Variants in DNAJC3 observed in about 807,000 individuals in gnomAD.
DNAJC3 encodes the protein dnaJ homolog subfamily C member 3.
DNAJC3 carries 38 observed loss-of-function variants against 68.6 expected under a neutral mutation model. That is an observed-to-expected ratio of 0.55 (90% CI 0.43 to 0.73). DNAJC3 has a LOEUF of 0.73. Among genes scored for constraint, DNAJC3 ranks in the 30% least tolerant of loss-of-function variants. The pLI is 0.00. For missense variants in DNAJC3, 526 were observed against 591.9 expected, an observed-to-expected ratio of 0.89 and a Z score of 1.16; for synonymous variants, 203 against 204.0, an observed-to-expected ratio of 1.00 and a Z score of 0.04.
At chr13:95,695,296 GTATTAT>G (rs1880405691) in intron 1 of DNAJC3, 1 of 151,960 alleles carries the variant, frequency 6.6e-6, no homozygotes, top group African/African-American at 2.4e-5. Context: ...AATAACTCTA[GTATTAT>G]TTTGACCTGA....
chr13:95,785,124 CCTTT>C (rs1196869422), intron 9 of DNAJC3, among the ~76,000 whole-genome samples: 3 of 152,136 alleles, frequency 2.0e-5, no homozygotes, highest in Middle Eastern at 3.4e-3. Flanking sequence ...CCTTCTGTTC[CCTTT>C]CTTTCTACAA....
chr13:95,703,067 C>T (rs1387797335), intron 1 of DNAJC3, among the ~76,000 whole-genome samples: 1 of 152,156 alleles, frequency 6.6e-6, no homozygotes, highest in Admixed American at 6.5e-5. Flanking sequence ...GTAAAGTCAT[C>T]GTGAACACTG....
chr13:95,745,386 G>A (rs1882271664), intron 4 of DNAJC3: 1 of 152,186 alleles, frequency 6.6e-6, no homozygotes, highest in Non-Finnish European at 1.5e-5. Context: ...TCTATCGTAA[G>A]AACTGCTACA....
rs759729876 is a variant in DNAJC3 at position 95,722,815 on chromosome 13, G to GCCCCCCCCCCCCCC, written c.194-416_194-403dup. ...AACCTGGGTGACAGACACCTTGTCC[G>GCCCCCCCCCCCCCC]CCCCCCCCCCCCCCCCCCCCCCCCG... On this transcript the variant is annotated intron_variant, in intron 2 of 11. Coordinates refer to ENST00000602402, the MANE Select transcript of DNAJC3 (RefSeq NM_006260.5). 2.0e-4 allele frequency among the ~76,000 whole-genome samples: 3 copies of GCCCCCCCCCCCCCC among 15,338 alleles called. 1 individual carries two copies. The highest frequency in any genetic ancestry group is 3.4e-4 in the Non-Finnish European group (3 of 8,852). 10.1% of individuals were successfully genotyped at this position (15,338 alleles called of 152,430 possible). A position where few individuals can be genotyped will look rare whatever the true frequency, so the allele number is the denominator to read the frequency against.
At chr13:95,724,603 A>G (rs1217139244) in intron 3 of DNAJC3, among the ~76,000 whole-genome samples, 8 of 152,238 alleles carry the variant, frequency 5.3e-5, no homozygotes, top group Non-Finnish European at 1.2e-4. Context: ...AGTGGTCACC[A>G]CTAGCTACTT....
At chr13:95,777,435 C>T (rs1346922398) in intron 9 of DNAJC3, among the ~76,000 whole-genome samples, 1 of 152,116 alleles carries the variant, frequency 6.6e-6, no homozygotes, top group Admixed American at 6.5e-5. Context: ...CTGTTTTGGT[C>T]TCTTCTATTT....
At chr13:95,696,122 A>G (rs1372880867) in intron 1 of DNAJC3, among the ~76,000 whole-genome samples, 4 of 152,224 alleles carry the variant, frequency 2.6e-5, no homozygotes, top group Non-Finnish European at 5.9e-5. Context: ...TTACACTCAC[A>G]TGACGAAACT....
intron 4 of DNAJC3, among the ~76,000 whole-genome samples, chr13:95,743,387 A>G (rs1882207768): frequency 6.6e-6 from 1 of 152,060 alleles, no homozygotes; most frequent in Non-Finnish European, 1.5e-5. Context: ...CCTTATTTGG[A>G]TATGGTCTGG....
In DNAJC3 at chr13:95,765,567, G is replaced by GTTTT. The variant is rs1024972959; in HGVS notation, c.1075+1632_1075+1635dup. ...AGTGCTAATTTAATATAATTGATCT[G>GTTTT]TTTTTTTTTTTTTTTTTTTTTGGAA... is the stretch of plus-strand genomic sequence containing the variant. On this transcript the variant is annotated intron_variant, in intron 9 of 11. Coordinates refer to ENST00000602402, the MANE Select transcript of DNAJC3 (RefSeq NM_006260.5). Among the ~76,000 whole-genome samples the GTTTT allele has an allele frequency of 3.6e-3, 372 of 102,288 alleles. 8 individuals carry two copies. The highest frequency in any genetic ancestry group is 0.013 in the African/African-American group (341 of 26,556). 67.1% of individuals were successfully genotyped at this position (102,288 alleles called of 152,430 possible).
chr13:95,773,361 A>T (rs906965393), intron 9 of DNAJC3, among the ~76,000 whole-genome samples: 1 of 151,026 alleles, frequency 6.6e-6, no homozygotes, highest in Non-Finnish European at 1.5e-5. Context: ...TGTAGAGATG[A>T]TGTTTTGCCA....
intron 10 of DNAJC3, 136 bp from the exon 11 acceptor site, chr13:95,786,871 C>A: frequency 2.0e-6 from 2 of 1,002,834 alleles, no homozygotes; most frequent in Non-Finnish European, 1.4e-6. Flanking sequence ...AGATCTTTGG[C>A]CTGTGATACC....
chr13:95,740,426 A>G (rs1006834686), intron 4 of DNAJC3, among the ~76,000 whole-genome samples: 11 of 152,144 alleles, frequency 7.2e-5, no homozygotes, highest in African/African-American at 1.2e-4. Context: ...GCCGCCTTGC[A>G]GTTTGATCTC....
At chr13:95,772,804 A>G (rs1048539267) in intron 9 of DNAJC3, among the ~76,000 whole-genome samples, 3 of 152,220 alleles carry the variant, frequency 2.0e-5, no homozygotes, top group Non-Finnish European at 4.4e-5. Flanking sequence ...TGACATTTCT[A>G]AAGTTAAATC....
At chr13:95,689,169 AT>A (rs1880158745) in intron 1 of DNAJC3, among the ~76,000 whole-genome samples, 2 of 144,966 alleles carry the variant, frequency 1.4e-5, no homozygotes, top group Admixed American at 1.4e-4. Context: ...TTTCAGTAAG[AT>A]TGGTAACCAG....
In DNAJC3 at chr13:95,791,968, G is replaced by C. The variant is rs1386644710; in HGVS notation, c.*938G>C. 1 of 152,194 alleles carries C rather than the reference G, an allele frequency of 6.6e-6. No homozygotes were observed. The highest frequency in any genetic ancestry group is 1.5e-5 in the Non-Finnish European group (1 of 68,022). The allele number at this position is 152,194 out of a possible 1,614,324, so 9.4% of individuals were successfully genotyped here. A position where few individuals can be genotyped will look rare whatever the true frequency, so the allele number is the denominator to read the frequency against. Reference sequence around the variant, plus strand: ...AGAATGCCATGTTCTCCACTTCTAAGTAAAGACAGTGGGCAGCTTCTGTTT... The same window carrying C: ...AGAATGCCATGTTCTCCACTTCTAACTAAAGACAGTGGGCAGCTTCTGTTT... On this transcript the variant is annotated 3_prime_UTR_variant, in exon 12 of 12. Transcript: ENST00000602402.
chr13:95,729,812 T>C (rs975973186), intron 4 of DNAJC3, among the ~76,000 whole-genome samples: 2 of 152,180 alleles, frequency 1.3e-5, no homozygotes, highest in African/African-American at 2.4e-5. Context: ...TTTTGAGAAA[T>C]GTCTGTTTAT....
rs767445977 is a variant in DNAJC3, at chr13:95,677,217, C to G, written c.-39C>G. The G allele has an allele frequency of 6.3e-7, 1 of 1,584,122 alleles. No homozygotes were observed. Among genetic ancestry groups the G allele is most frequent in the African/African-American group, 1.4e-5 (1 of 72,192 alleles). ...GGAGCGCCGGCGCGTGCTGGTGGGC[C>G]ACACACCTTTCCTCCTCTTCACTCG... On this transcript the variant is annotated 5_prime_UTR_variant, in exon 1 of 12. Coordinates refer to ENST00000602402, the MANE Select transcript of DNAJC3 (RefSeq NM_006260.5).
intron 4 of DNAJC3, among the ~76,000 whole-genome samples, chr13:95,727,493 TTCCATGAGAA>T (rs2139645495): frequency 6.6e-6 from 1 of 152,348 alleles, no homozygotes; most frequent in East Asian, 1.9e-4. Flanking sequence ...ATAGGGATTC[TTCCATGAGAA>T]TGCATATCTG....
At chr13:95,684,877 C>T (rs1380397426) in intron 1 of DNAJC3, among the ~76,000 whole-genome samples, 1 of 152,240 alleles carries the variant, frequency 6.6e-6, no homozygotes, top group Non-Finnish European at 1.5e-5. Context: ...TGCTGAAAGC[C>T]AAGAATTGAG....
Sources: allele counts gnomAD v4.1 joint callset (sites outside exome capture counted in the v4.1 genomes callset), GRCh38; gene constraint gnomAD v4.1.1; transcripts MANE v1.5; gene names NCBI Gene and HGNC (gene_info 2026-07-23, HGNC 2026-07-21).